Variants in SLC1A7 observed in about 807,000 individuals in gnomAD.
The protein encoded by SLC1A7 is solute carrier family 1 member 7.
Under a neutral mutation model 47.7 loss-of-function variants are expected in SLC1A7, and 40 were observed. The ratio of observed to expected loss-of-function variants is 0.84; its 90% CI spans 0.65 to 1.09. The LOEUF is 1.09. Ranked by LOEUF, SLC1A7 falls within the 50% of genes least tolerant of loss-of-function variation. The pLI is 0.00. For synonymous variants in SLC1A7, 323 were observed against 325.6 expected, an observed-to-expected ratio of 0.99 and a Z score of 0.09; for missense variants, 746 against 769.5, an observed-to-expected ratio of 0.97 and a Z score of 0.36.
chr1:53,090,357 G>A (rs1056938745), intron 8 of SLC1A7: 6 of 575,790 alleles, frequency 1.0e-5, no homozygotes, highest in South Asian at 2.4e-5. Flanking sequence ...GCACCCCTTC[G>A]TTGGCTCCTG....
At chr1:53,126,708 T>C (rs1244734170) in intron 2 of SLC1A7, among the ~76,000 whole-genome samples, 1 of 152,184 alleles carries the variant, frequency 6.6e-6, no homozygotes, top group Non-Finnish European at 1.5e-5. Context: ...GGGCTTCTGA[T>C]CCCATCAGCC....
intron 2 of SLC1A7, among the ~76,000 whole-genome samples, chr1:53,120,359 A>C (rs1018857866): frequency 6.6e-6 from 1 of 151,770 alleles, no homozygotes; most frequent in Non-Finnish European, 1.5e-5. Flanking sequence ...TTGTAGTCGC[A>C]CCTCCCTACA....
intron 2 of SLC1A7, among the ~76,000 whole-genome samples, chr1:53,124,068 G>C (rs1327537544): frequency 6.6e-6 from 1 of 152,214 alleles, no homozygotes; most frequent in Non-Finnish European, 1.5e-5. Context: ...ACGGCTGCTT[G>C]GCCCAGGCCC....
rs370123290 is a variant in SLC1A7, at chr1:53,087,585, C to G, written c.*424G>C. 1.5e-3 allele frequency: 232 copies of G among 153,654 alleles called. 2 individuals carry two copies. Among genetic ancestry groups the G allele is most frequent in the African/African-American group, 5.1e-3 (212 of 41,662 alleles). 9.5% of individuals were successfully genotyped at this position (153,654 alleles called of 1,614,324 possible). Reference sequence around the variant, plus strand: ...ATGGGGTGGGGCCTGGGCCTGGACACAGCTGCAGGCTGCCCTGTCCTCCAA... The same window carrying G: ...ATGGGGTGGGGCCTGGGCCTGGACAGAGCTGCAGGCTGCCCTGTCCTCCAA... On this transcript the variant is annotated 3_prime_UTR_variant, in exon 11 of 11. Transcript: ENST00000371494.
At chr1:53,091,673 G>A (rs1644424018) in intron 7 of SLC1A7, among the ~76,000 whole-genome samples, 2 of 152,194 alleles carry the variant, frequency 1.3e-5, no homozygotes, top group African/African-American at 4.8e-5. Context: ...TATGACTGCT[G>A]GGTACAGAGG....
intron 3 of SLC1A7, among the ~76,000 whole-genome samples, chr1:53,109,925 G>T (rs970308308): frequency 2.6e-5 from 4 of 152,172 alleles, no homozygotes; most frequent in African/African-American, 9.7e-5. Flanking sequence ...GAAAGGAAGT[G>T]ACTGTGCTCC....
intron 3 of SLC1A7, 125 bp downstream of exon 3, chr1:53,114,633 C>T: frequency 2.5e-6 from 2 of 805,794 alleles, no homozygotes. Context: ...AGAGCTCAAC[C>T]CACCAGGGTG....
chr1:53,141,403 T>G (rs1645055072), intron 1 of SLC1A7, among the ~76,000 whole-genome samples: 1 of 152,070 alleles, frequency 6.6e-6, no homozygotes, highest in African/African-American at 2.4e-5. Context: ...CAGGAGGTCT[T>G]GATAACTACC....
chr1:53,113,913 C>T (rs1644726922), intron 3 of SLC1A7, among the ~76,000 whole-genome samples: 1 of 152,090 alleles, frequency 6.6e-6, no homozygotes, highest in Non-Finnish European at 1.5e-5. Flanking sequence ...CAGCTATCGC[C>T]CCCAGGCCTG....
chr1:53,104,514 A>C (rs1644617659), intron 4 of SLC1A7, among the ~76,000 whole-genome samples: 2 of 152,234 alleles, frequency 1.3e-5, no homozygotes, highest in Admixed American at 6.5e-5. Context: ...GGAGTTTGCC[A>C]AAAGAGAAAG....
At chr1:53,136,869 G>C (rs1156695637) in intron 1 of SLC1A7, among the ~76,000 whole-genome samples, 1 of 151,506 alleles carries the variant, frequency 6.6e-6, no homozygotes, top group Non-Finnish European at 1.5e-5. Flanking sequence ...GTCTCACTAT[G>C]TTGCCCAGAC....
At chr1:53,123,785 G>A (rs370418474) in intron 2 of SLC1A7, among the ~76,000 whole-genome samples, 7 of 152,242 alleles carry the variant, frequency 4.6e-5, no homozygotes, top group East Asian at 1.9e-4. Flanking sequence ...GACCCCACCC[G>A]CAGCCCACAG....
At chr1:53,141,242 G>A (rs1645053710) in intron 1 of SLC1A7, among the ~76,000 whole-genome samples, 1 of 152,052 alleles carries the variant, frequency 6.6e-6, no homozygotes, top group Non-Finnish European at 1.5e-5. Flanking sequence ...CCAGATCAAT[G>A]TCTGATCACC....
Position 53,093,524 on chromosome 1 carries a change from G to A in SLC1A7, c.734C>T (p.Pro245Leu). Reference protein sequence around the residue: ...MLGRMGDSGAPLVSFCQCLNE... With the variant: ...MLGRMGDSGALLVSFCQCLNE... ...GAGGCACTGGCAGAAGCTGACCAGG[G>A]GGGCCCCGCTGTCACCCATGCGGCC... is the stretch of plus-strand genomic sequence containing the variant. The change falls in exon 6 of 11, where the codon CCC (proline) becomes CTC (leucine). Residue 245 changes from proline to leucine, a missense_variant. Physicochemically the swap from Pro to Leu is moderately conservative, Grantham distance 98 (BLOSUM62 -3). Coordinates refer to ENST00000371494, the MANE Select transcript of SLC1A7 (RefSeq NM_006671.6). 1 of 1,609,470 alleles carries A rather than the reference G, an allele frequency of 6.2e-7. No individual in the cohort carries two copies. Among genetic ancestry groups the A allele is most frequent in the Non-Finnish European group, 8.5e-7 (1 of 1,179,732 alleles).
chr1:53,087,932 A>G lies in SLC1A7; in HGVS notation c.*77T>C. 2 of 843,124 alleles carry G rather than the reference A, an allele frequency of 2.4e-6. No homozygotes were observed. Among genetic ancestry groups the G allele is most frequent in the Non-Finnish European group, 3.5e-6 (2 of 569,894 alleles). 52.2% of individuals were successfully genotyped at this position (843,124 alleles called of 1,614,324 possible). ...TGATCCTGGCCCCTGCCGGCTGCTC[A>G]GGAGGGTTGGAGAGTCGAGTTCCTG... On this transcript the variant is annotated 3_prime_UTR_variant, in exon 11 of 11. Coordinates refer to ENST00000371494, the MANE Select transcript of SLC1A7 (RefSeq NM_006671.6).
intron 2 of SLC1A7, among the ~76,000 whole-genome samples, chr1:53,123,647 G>A (rs1157797031): frequency 1.3e-5 from 2 of 152,354 alleles, no homozygotes; most frequent in East Asian, 3.9e-4. Flanking sequence ...CCTCCCAGAG[G>A]AGGGCACAGC....
rs747186673 is a variant in SLC1A7 at position 53,089,925 on chromosome 1, G to A, written c.1236C>T (p.Ala412=). ...FGQIITISIT[A]TAASIGAAGI... ...CAGCTGCCCCAATGCTGGCTGCAGT[G>A]GCTGTGATACTGCAGGGGGTGGGAA... Residue 412 remains alanine (A), a synonymous_variant, in exon 9 of 11, where the codon GCC becomes GCT. Coordinates refer to ENST00000371494, the MANE Select transcript of SLC1A7 (RefSeq NM_006671.6). 31 of 1,613,286 alleles carry A rather than the reference G, an allele frequency of 1.9e-5. No homozygotes were observed. In the Admixed American group the frequency reaches 5.0e-4, roughly 26 times the overall value.
At chr1:53,097,609 CA>C (rs1644512793) in intron 5 of SLC1A7, among the ~76,000 whole-genome samples, 1 of 151,446 alleles carries the variant, frequency 6.6e-6, no homozygotes, top group African/African-American at 2.4e-5. Context: ...TACACTCAAA[CA>C]CCTCGCCTCG....
chr1:53,092,590 A>G lies in SLC1A7; in HGVS notation c.995T>C (p.Leu332Pro), dbSNP rs1262788135. 1 of 1,614,030 alleles carries G rather than the reference A, an allele frequency of 6.2e-7. No homozygotes were observed. Among genetic ancestry groups the G allele is most frequent in the African/African-American group, 1.3e-5 (1 of 74,936 alleles). The change falls in exon 7 of 11, where the codon CTG becomes CCG. Residue 332 changes from leucine (L) to proline (P), a missense_variant. Physicochemically the swap from Leu to Pro is moderately conservative, Grantham distance 98 (BLOSUM62 -3). Transcript: ENST00000371494. ...GGCCAGCGCGATGAGCAGAGCCTGC[A>G]GGATGCCACGGATGAAGACGATGGG... The part of the protein sequence containing the change: ...KNPIVFIRGI[L>P]QALLIALATS...
Sources: gnomAD v4.1 joint callset for allele counts (sites outside exome capture counted in the v4.1 genomes callset) on GRCh38, gnomAD v4.1.1 for gene constraint, MANE v1.5 for transcripts, NCBI Gene and HGNC (gene_info 2026-07-23, HGNC 2026-07-21) for gene names.